The following PDE1C variants were observed in gnomAD, a reference collection of about 807,000 sequenced individuals.
PDE1C encodes the protein phosphodiesterase 1C, also known as dual specificity calcium/calmodulin-dependent 3',5'-cyclic nucleotide phosphodiesterase 1C.
A neutral mutation model predicts 93.1 loss-of-function variants in PDE1C; 62 were observed. That is an observed-to-expected ratio of 0.67 (90% CI 0.54 to 0.82). PDE1C has a LOEUF of 0.82. Ranked by LOEUF, PDE1C falls within the 40% of genes least tolerant of loss-of-function variation. The pLI is 0.00. For missense variants in PDE1C, 742 were observed against 884.6 expected, an observed-to-expected ratio of 0.84 and a Z score of 2.04; for synonymous variants, 325 against 310.1, an observed-to-expected ratio of 1.05 and a Z score of -0.50.
upstream of PDE1C, among the ~76,000 whole-genome samples, chr7:32,075,677 C>T (rs1456071667): frequency 1.3e-5 from 2 of 152,126 alleles, no homozygotes; most frequent in Non-Finnish European, 2.9e-5. Context: ...CTCTGAATAG[C>T]CAGAATCTCA....
the PDE1C span, among the ~76,000 whole-genome samples, chr7:31,648,802 C>T: frequency 6.6e-6 from 1 of 152,196 alleles, no homozygotes; most frequent in Non-Finnish European, 1.5e-5. Context: ...GCAACTTATC[C>T]TTGTGTTCAG....
chr7:31,851,218 C>T (rs1486901797), intron 7 of PDE1C, among the ~76,000 whole-genome samples: 6 of 152,166 alleles, frequency 3.9e-5, no homozygotes, highest in African/African-American at 1.4e-4. Context: ...AAAATACTGG[C>T]TTTCTGCTCT....
At chr7:32,204,766 A>G (rs62456321) in intron 2 of PDE1C, among the ~76,000 whole-genome samples, 51,610 of 151,904 alleles carry the variant, frequency 0.34, 9,314 homozygotes, top group Admixed American at 0.46. Context: ...CACTTTCTCC[A>G]GGAGGACTCC....
chr7:32,238,507 T>C (rs1454797481), intron 1 of PDE1C, among the ~76,000 whole-genome samples: 3 of 152,158 alleles, frequency 2.0e-5, no homozygotes, highest in Non-Finnish European at 2.9e-5. Flanking sequence ...AATAAATAAA[T>C]CAAAATTCCA....
intron 2 of PDE1C, among the ~76,000 whole-genome samples, chr7:31,982,882 A>T (rs1229854560): frequency 6.6e-6 from 1 of 152,220 alleles, no homozygotes; most frequent in East Asian, 1.9e-4. Context: ...CTTGAGGCAT[A>T]TTCAGGCTGA....
chr7:32,294,026 C>G (rs1344100353), intron 1 of PDE1C, among the ~76,000 whole-genome samples: 1 of 152,108 alleles, frequency 6.6e-6, no homozygotes, highest in East Asian at 1.9e-4. Flanking sequence ...GGGCCACACC[C>G]CCAGTGTATG....
chr7:32,217,566 G>A (rs1258379454), intron 1 of PDE1C, among the ~76,000 whole-genome samples: 2 of 152,202 alleles, frequency 1.3e-5, no homozygotes, highest in African/African-American at 4.8e-5. Context: ...ATCGTGTGCT[G>A]TGTTGAGAAG....
intron 2 of PDE1C, among the ~76,000 whole-genome samples, chr7:31,982,063 A>C (rs1812459162): frequency 6.6e-6 from 1 of 152,214 alleles, no homozygotes; most frequent in African/African-American, 2.4e-5. Context: ...TCTGCATGAT[A>C]TTCCACTTGA....
chr7:32,258,030 C>A (rs758068118), intron 1 of PDE1C, among the ~76,000 whole-genome samples: 35 of 152,214 alleles, frequency 2.3e-4, no homozygotes, highest in Non-Finnish European at 4.0e-4. Flanking sequence ...TTCAAAGACA[C>A]CAGGTTTCTC....
intron 4 of PDE1C, 72 bp from the exon 5 acceptor site, chr7:31,878,108 C>A: frequency 3.0e-6 from 3 of 1,007,774 alleles, no homozygotes; most frequent in Non-Finnish European, 4.6e-6. Flanking sequence ...AGACTCATAC[C>A]AAGTATTGAC....
chr7:31,708,769 C>T, the PDE1C span, among the ~76,000 whole-genome samples: 2 of 152,132 alleles, frequency 1.3e-5, no homozygotes, highest in South Asian at 2.1e-4. Flanking sequence ...AGCAAGCATT[C>T]CCGTTTGCCA....
intron 12 of PDE1C, among the ~76,000 whole-genome samples, chr7:31,825,382 A>G (rs1234328629): frequency 2.0e-5 from 3 of 152,084 alleles, no homozygotes; most frequent in Non-Finnish European, 4.4e-5. Context: ...GAAAAAGCCA[A>G]GTGACAGAGA....
In PDE1C at chr7:31,938,957, T is replaced by A. The variant is rs181547638; in HGVS notation, c.129-58097A>T. 4.5e-3 allele frequency among the ~76,000 whole-genome samples: 691 copies of A among 152,200 alleles called. 2 individuals are homozygous for A. Among genetic ancestry groups the A allele is most frequent in the African/African-American group, 0.016 (665 of 41,532 alleles). On this transcript the variant is annotated intron_variant, in intron 2 of 17. Transcript: ENST00000396191. ...TCAAGAGCTCAGCACCCTCACCACC[T>A]CCAGCACCAAAGCACTTTTAGCTCC...
intron 2 of PDE1C, among the ~76,000 whole-genome samples, chr7:31,971,096 C>G (rs187519379): frequency 5.7e-4 from 87 of 152,232 alleles, no homozygotes; most frequent in Middle Eastern, 3.4e-3. Flanking sequence ...GAGCCAAGAT[C>G]GCGCTACTGC....
intron 1 of PDE1C, among the ~76,000 whole-genome samples, chr7:32,278,072 C>CAA (rs35853359): frequency 2.0e-4 from 22 of 109,182 alleles, no homozygotes; most frequent in African/African-American, 4.3e-4. Flanking sequence ...GATTATATAG[C>CAA]AAAAAAAAAA....
chr7:31,642,780 A>G, the PDE1C span: 1 of 1,613,898 alleles, frequency 6.2e-7, no homozygotes, highest in African/African-American at 1.3e-5. Flanking sequence ...ACTGTCAGCT[A>G]GAGTCGGATG....
In PDE1C at chr7:31,886,198, C is replaced by T. The variant is rs553858757; in HGVS notation, c.129-5338G>A. Among the ~76,000 whole-genome samples, 244 of 152,318 alleles carry T rather than the reference C, an allele frequency of 1.6e-3. 1 individual carries two copies. The highest frequency in any genetic ancestry group is 5.7e-3 in the African/African-American group (236 of 41,566). On this transcript the variant is annotated intron_variant, in intron 2 of 17. Transcript: ENST00000396191. Reference sequence around the variant, plus strand: ...TTTCAGTTCATCACACCCATGTATTCGAACAGCATACTCATCTCTGTGTCC... The same window carrying T: ...TTTCAGTTCATCACACCCATGTATTTGAACAGCATACTCATCTCTGTGTCC...
At chr7:31,994,603 G>A (rs1183681392) in intron 2 of PDE1C, among the ~76,000 whole-genome samples, 2 of 152,056 alleles carry the variant, frequency 1.3e-5, no homozygotes, top group Non-Finnish European at 1.5e-5. Flanking sequence ...TGAGTTCTTC[G>A]TAGCCTCACC....
At chr7:32,380,873 GT>G (rs919933651) in intron 1 of PDE1C, among the ~76,000 whole-genome samples, 1 of 151,642 alleles carries the variant, frequency 6.6e-6, no homozygotes, top group African/African-American at 2.4e-5. Context: ...TTCTCTATTT[GT>G]TGTCACTCCC....
Sources: gnomAD v4.1 joint callset for allele counts (sites outside exome capture counted in the v4.1 genomes callset) on GRCh38, gnomAD v4.1.1 for gene constraint, MANE v1.5 for transcripts, NCBI Gene and HGNC (gene_info 2026-07-23, HGNC 2026-07-21) for gene names.